Variants in RMDN2 observed in about 807,000 individuals in gnomAD.
The protein encoded by RMDN2 is regulator of microtubule dynamics 2, also known as regulator of microtubule dynamics protein 2.
In RMDN2, 61 loss-of-function variants were observed where a neutral mutation model predicts 52.8. That is an observed-to-expected ratio of 1.16 (90% CI 0.94 to 1.43). RMDN2 has a LOEUF of 1.43. RMDN2 is among the 40% of genes most tolerant of loss of function. The pLI, the probability that RMDN2 is intolerant of heterozygous loss-of-function variation, is 0.00. For synonymous variants in RMDN2, 180 were observed against 153.1 expected (o/e 1.18, Z -1.30); for missense variants, 592 against 475.3 (o/e 1.25, Z -2.28).
chr2:38,031,539 A>G (rs1031607530), intron 10 of RMDN2, among the ~76,000 whole-genome samples: 1 of 152,078 alleles, frequency 6.6e-6, no homozygotes, highest in Admixed American at 6.5e-5. Context: ...AGTTGAGATT[A>G]TGATCTACCT....
chr2:38,004,240 G>A lies in RMDN2; in HGVS notation c.1179+24G>A, dbSNP rs764623979. On this transcript the variant is annotated intron_variant, in intron 10 of 10. Transcript: ENST00000354545. ...AGGTAAGTCCAGAAAGTGACAGTGA[G>A]TGCTGTTGTCTTGTTAGTACTATTC... 1.6e-5 allele frequency: 24 copies of A among 1,534,684 alleles called. No homozygotes were observed. The Admixed American group carries it at 3.8e-4, about 25-fold the overall frequency.
chr2:38,044,027 G>T (rs138971132), intron 10 of RMDN2, among the ~76,000 whole-genome samples: 15 of 151,754 alleles, frequency 9.9e-5, no homozygotes, highest in African/African-American at 3.1e-4. Context: ...AATATTTCTT[G>T]CAAAGGAGGT....
chr2:37,932,477 C>T lies in RMDN2; in HGVS notation c.452+2748C>T, dbSNP rs1177238060. On this transcript the variant is annotated intron_variant, in intron 2 of 10. Transcript: ENST00000354545. ...ATGTCTACCTCTTTCTACACAGACA[C>T]GGCAACCATCCGATTTCTCAATCTT... Among the ~76,000 whole-genome samples, 16 of 150,548 alleles carry T rather than the reference C, an allele frequency of 1.1e-4. 1 individual carries two copies. The highest frequency in any genetic ancestry group is 8.5e-4 in the South Asian group (4 of 4,732).
chr2:37,945,613 G>GA, intron 2 of RMDN2, among the ~76,000 whole-genome samples: 1 of 152,228 alleles, frequency 6.6e-6, no homozygotes, highest in East Asian at 1.9e-4. Flanking sequence ...ATAAGGGAAA[G>GA]AAAAAGACCC....
In RMDN2 at chr2:37,991,250, C is replaced by T; in HGVS notation, c.898C>T (p.Pro300Ser). The T allele has an allele frequency of 6.3e-7, 1 of 1,589,318 alleles. No homozygotes were observed. Among genetic ancestry groups the T allele is most frequent in the Non-Finnish European group, 8.6e-7 (1 of 1,166,658 alleles). Residue 300 changes from proline (P) to serine (S), a missense_variant, in exon 7 of 11, where the codon CCA (proline) becomes TCA (serine). By Grantham distance (74) the Pro-to-Ser change is moderately conservative. Coordinates refer to ENST00000354545, the MANE Select transcript of RMDN2 (RefSeq NM_001170791.3). The stretch of plus-strand genomic sequence containing the variant: ...TCTAGATATAGCAATCAAACTTTTA[C>T]CAGAGGAACCCTTTCTATATTACCT... ...EHLDIAIKLLPEEPFLYYLKG... is the reference protein window; with the variant it reads ...EHLDIAIKLLSEEPFLYYLKG...
chr2:37,978,849 A>G (rs1394175772), intron 4 of RMDN2, among the ~76,000 whole-genome samples: 1 of 152,010 alleles, frequency 6.6e-6, no homozygotes, highest in Non-Finnish European at 1.5e-5. Flanking sequence ...TGTAGCAGAA[A>G]GGAGAATATG....
At chr2:38,050,299 T>C (rs1345783289) in intron 10 of RMDN2, among the ~76,000 whole-genome samples, 1 of 151,794 alleles carries the variant, frequency 6.6e-6, no homozygotes, top group African/African-American at 2.4e-5. Context: ...TCTGTCTCCC[T>C]GCTGCACCAA....
At chr2:38,039,448 A>G (rs1394097791) in intron 10 of RMDN2, 1 of 152,182 alleles carries the variant, frequency 6.6e-6, no homozygotes, top group Non-Finnish European at 1.5e-5. Flanking sequence ...TTATTTAAGG[A>G]GCACAGTCGC....
chr2:38,049,709 A>ATCC (rs1454226107), intron 10 of RMDN2, among the ~76,000 whole-genome samples: 1 of 152,148 alleles, frequency 6.6e-6, no homozygotes, highest in Non-Finnish European at 1.5e-5. Context: ...AGTAGCTAGG[A>ATCC]CTATAGGCAC....
chr2:37,972,130 A>G (rs1488015699), intron 2 of RMDN2, among the ~76,000 whole-genome samples: 1 of 152,124 alleles, frequency 6.6e-6, no homozygotes, highest in African/African-American at 2.4e-5. Context: ...TGAATATTTT[A>G]TTTAATTATG....
intron 10 of RMDN2, among the ~76,000 whole-genome samples, chr2:38,056,282 T>C (rs1681852981): frequency 6.6e-6 from 1 of 152,174 alleles, no homozygotes. Context: ...GGGCATCTCC[T>C]CTATGGAGCC....
intron 2 of RMDN2, among the ~76,000 whole-genome samples, chr2:37,941,241 A>G (rs185743683): frequency 2.0e-3 from 298 of 150,012 alleles, no homozygotes; most frequent in African/African-American, 6.7e-3. Flanking sequence ...AACAGCAAAG[A>G]TTGCTGGCTG....
downstream of RMDN2, among the ~76,000 whole-genome samples, chr2:38,019,077 AAG>A (rs1412676736): frequency 2.6e-5 from 4 of 152,222 alleles, no homozygotes; most frequent in African/African-American, 7.2e-5. Context: ...TAGATGGGGC[AAG>A]AGTCTTGCAG....
intron 2 of RMDN2, among the ~76,000 whole-genome samples, chr2:37,965,792 G>A (rs1286760088): frequency 6.6e-6 from 1 of 152,024 alleles, no homozygotes; most frequent in Non-Finnish European, 1.5e-5. Context: ...TTTATTGTAG[G>A]GAAATTCTAG....
At chr2:38,014,048 A>G (rs1327440423) in intron 10 of RMDN2, among the ~76,000 whole-genome samples, 1 of 152,084 alleles carries the variant, frequency 6.6e-6, no homozygotes, top group African/African-American at 2.4e-5. Context: ...CTTTACTAAA[A>G]AAAAAAACAC....
chr2:38,049,148 G>T (rs1277326207), intron 10 of RMDN2, among the ~76,000 whole-genome samples: 2 of 152,220 alleles, frequency 1.3e-5, no homozygotes, highest in Non-Finnish European at 1.5e-5. Context: ...CTCATAGTTT[G>T]AGGGATTGTT....
chr2:37,971,781 G>A (rs997117913), intron 2 of RMDN2, among the ~76,000 whole-genome samples: 6 of 152,112 alleles, frequency 3.9e-5, no homozygotes, highest in Non-Finnish European at 5.9e-5. Context: ...ATCTGGTGGG[G>A]TAAGTCTTCT....
At chr2:38,019,308 A>G (rs1023501941), downstream of RMDN2, among the ~76,000 whole-genome samples, 60 of 152,184 alleles carry the variant, frequency 3.9e-4, no homozygotes, top group African/African-American at 1.4e-3. Context: ...GGTGGGTAGC[A>G]GTGGGATTTG....
intron 10 of RMDN2, among the ~76,000 whole-genome samples, chr2:38,050,353 A>AT (rs1449228745): frequency 6.6e-5 from 10 of 151,586 alleles, no homozygotes; most frequent in African/African-American, 2.4e-4. Context: ...CTATTAAAAA[A>AT]AAAAATAAAA....
Sources: gnomAD v4.1 joint callset for allele counts (sites outside exome capture counted in the v4.1 genomes callset) on GRCh38, gnomAD v4.1.1 for gene constraint, MANE v1.5 for transcripts, NCBI Gene and HGNC (gene_info 2026-07-23, HGNC 2026-07-21) for gene names.